Variants in RSRC1 observed in about 807,000 individuals in gnomAD.
RSRC1 encodes arginine and serine rich coiled-coil 1, also known as serine/Arginine-related protein 53.
RSRC1 carries 39 observed loss-of-function variants against 49.1 expected under a neutral mutation model. That is an observed-to-expected ratio of 0.79 (90% confidence interval 0.61 to 1.04). RSRC1 has a LOEUF of 1.04. RSRC1 is among the 50% of genes least tolerant of loss of function. RSRC1 has a pLI of 0.00. For missense variants in RSRC1, 388 were observed against 402.4 expected, an observed-to-expected ratio of 0.96 and a Z score of 0.31; for synonymous variants, 143 against 130.8, an observed-to-expected ratio of 1.09 and a Z score of -0.63.
At chr3:158,457,270 GA>G (rs1348033673) in intron 6 of RSRC1, among the ~76,000 whole-genome samples, 4 of 152,156 alleles carry the variant, frequency 2.6e-5, no homozygotes, top group African/African-American at 4.8e-5. Flanking sequence ...ATAATTTGTG[GA>G]GTTGGATCCA....
At chr3:158,183,883 T>G (rs1177012911) in intron 3 of RSRC1, among the ~76,000 whole-genome samples, 1 of 152,170 alleles carries the variant, frequency 6.6e-6, no homozygotes, top group Non-Finnish European at 1.5e-5. Flanking sequence ...CATTTCAGAT[T>G]GGGTGTCAAA....
rs558462547 is a variant in RSRC1, at chr3:158,175,971, T to C, written c.321-27101T>C. On this transcript the variant is annotated intron_variant, in intron 3 of 9. Coordinates refer to ENST00000611884, the MANE Select transcript of RSRC1 (RefSeq NM_001271838.2). ...AGGTTCTCGTGCCATGGTTCTGAGC[T>C]TGATCAGGTCATTTAAGCTCTTCTC... Among the ~76,000 whole-genome samples the C allele has an allele frequency of 4.6e-5, 7 of 152,100 alleles. No individual in the cohort carries two copies. The South Asian group carries it at 1.5e-3, about 32-fold the overall frequency.
chr3:158,151,137 G>A (rs1322144020), intron 3 of RSRC1, among the ~76,000 whole-genome samples: 2 of 152,168 alleles, frequency 1.3e-5, no homozygotes, highest in Non-Finnish European at 2.9e-5. Context: ...AGATTAACAA[G>A]AGAGAAGCAT....
intron 6 of RSRC1, among the ~76,000 whole-genome samples, chr3:158,367,771 TC>T (rs1229280081): frequency 1.3e-5 from 2 of 152,306 alleles, no homozygotes; most frequent in East Asian, 3.9e-4. Context: ...GCTTTTTTTT[TC>T]AATCAAGTAT....
chr3:158,411,751 G>A (rs550835313), intron 6 of RSRC1, among the ~76,000 whole-genome samples: 1 of 152,036 alleles, frequency 6.6e-6, no homozygotes, highest in Non-Finnish European at 1.5e-5. Context: ...TAGGCATTTG[G>A]ATTTTTTATT....
intron 7 of RSRC1, among the ~76,000 whole-genome samples, chr3:158,513,149 T>G (rs1740285158): frequency 2.0e-5 from 3 of 149,930 alleles, no homozygotes. Context: ...CTTCCAACAC[T>G]GTGTTGAATA....
intron 4 of RSRC1, among the ~76,000 whole-genome samples, chr3:158,205,156 G>C (rs1399340960): frequency 2.0e-5 from 3 of 152,106 alleles, no homozygotes; most frequent in Non-Finnish European, 4.4e-5. Flanking sequence ...AAAATAAAAG[G>C]GCACTGGGGA....
At chr3:158,374,434 A>T (rs73170352) in intron 6 of RSRC1, among the ~76,000 whole-genome samples, 1 of 152,056 alleles carries the variant, frequency 6.6e-6, no homozygotes, top group East Asian at 1.9e-4. Context: ...CTCACCTCCC[A>T]TTCATAAATT....
intron 3 of RSRC1, among the ~76,000 whole-genome samples, chr3:158,154,533 C>T (rs1305255088): frequency 6.7e-6 from 1 of 149,450 alleles, no homozygotes; most frequent in Non-Finnish European, 1.5e-5. Context: ...GGTGTGATCT[C>T]GGCTCACTGC....
intron 6 of RSRC1, among the ~76,000 whole-genome samples, chr3:158,406,307 A>C (rs558140536): frequency 1.3e-5 from 2 of 152,152 alleles, no homozygotes; most frequent in African/African-American, 4.8e-5. Flanking sequence ...TAAATAAACT[A>C]TCAATAATGA....
At chr3:158,425,110 G>T (rs1735332676) in intron 6 of RSRC1, among the ~76,000 whole-genome samples, 1 of 151,140 alleles carries the variant, frequency 6.6e-6, no homozygotes, top group Non-Finnish European at 1.5e-5. Flanking sequence ...GTTATTTCTT[G>T]CCTTCTGCTA....
chr3:158,442,462 C>T (rs1296578659), intron 6 of RSRC1, among the ~76,000 whole-genome samples: 2 of 151,984 alleles, frequency 1.3e-5, no homozygotes, highest in East Asian at 3.9e-4. Context: ...TTTGTTAATA[C>T]TTAAGAAGCA....
intron 9 of RSRC1, 164 bp downstream of exon 9, chr3:158,543,651 T>C (rs1227807521): frequency 1.5e-5 from 9 of 620,568 alleles, no homozygotes; most frequent in Middle Eastern, 4.2e-4. Flanking sequence ...AGAACTGTTA[T>C]CTATATTTGA....
intron 1 of RSRC1, among the ~76,000 whole-genome samples, chr3:158,111,384 C>A (rs1483136506): frequency 6.6e-6 from 1 of 152,244 alleles, no homozygotes; most frequent in Non-Finnish European, 1.5e-5. Flanking sequence ...CTTGCCAACT[C>A]AACCAGTCTC....
intron 4 of RSRC1, chr3:158,276,180 T>A: frequency 1.2e-6 from 1 of 859,448 alleles, no homozygotes; most frequent in Non-Finnish European, 2.0e-6. Flanking sequence ...AGGCTTGCCA[T>A]ATGTTGCACC....
intron 6 of RSRC1, among the ~76,000 whole-genome samples, chr3:158,397,024 A>G (rs140054823): frequency 3.7e-4 from 56 of 152,246 alleles, no homozygotes; most frequent in African/African-American, 1.3e-3. Flanking sequence ...TTTTACCCAC[A>G]ACAGTGTACC....
chr3:158,405,840 G>C (rs1734137196), intron 6 of RSRC1, among the ~76,000 whole-genome samples: 1 of 152,006 alleles, frequency 6.6e-6, no homozygotes, highest in South Asian at 2.1e-4. Flanking sequence ...GCCCGTAAAT[G>C]AATCATTGTA....
At chr3:158,518,132 A>ATATATATG (rs1560073731) in intron 7 of RSRC1, among the ~76,000 whole-genome samples, 7 of 81,920 alleles carry the variant, frequency 8.5e-5, no homozygotes, top group African/African-American at 4.6e-4. Flanking sequence ...GTGTGTATAT[A>ATATATATG]TATATATATA....
intron 3 of RSRC1, among the ~76,000 whole-genome samples, chr3:158,128,543 T>A (rs1181645049): frequency 6.6e-6 from 1 of 152,196 alleles, no homozygotes; most frequent in Non-Finnish European, 1.5e-5. Context: ...TAAACTAATT[T>A]TAGACTAACA....
Sources: gnomAD v4.1 joint callset for allele counts (sites outside exome capture counted in the v4.1 genomes callset) on GRCh38, gnomAD v4.1.1 for gene constraint, MANE v1.5 for transcripts, NCBI Gene and HGNC (gene_info 2026-07-23, HGNC 2026-07-21) for gene names.